Variants in MLLT3 observed in about 807,000 individuals in gnomAD.
MLLT3 encodes MLLT3 super elongation complex subunit, also known as protein AF-9.
A neutral mutation model predicts 53.2 loss-of-function variants in MLLT3; 4 were observed. The observed-to-expected ratio is 0.08, with a 90% CI of 0.04 to 0.17. The LOEUF (loss-of-function observed/expected upper bound fraction) is 0.17. Among genes scored for constraint, MLLT3 ranks in the 10% least tolerant of loss-of-function variants. MLLT3 has a pLI of 1.00. For missense variants in MLLT3, 569 were observed against 684.0 expected (o/e 0.83, Z 1.87); for synonymous variants, 283 against 230.6 (o/e 1.23, Z -2.06).
At chr9:20,391,691 T>C (rs908083759) in intron 5 of MLLT3, among the ~76,000 whole-genome samples, 5 of 152,212 alleles carry the variant, frequency 3.3e-5, no homozygotes, top group African/African-American at 1.2e-4. Context: ...GTTATTGCAT[T>C]TAATATTACT....
At chr9:20,599,458 T>TA (rs11354753) in intron 2 of MLLT3, among the ~76,000 whole-genome samples, 41,323 of 142,322 alleles carry the variant, frequency 0.29, 6,506 homozygotes, top group South Asian at 0.42. Context: ...ACCAGATGTT[T>TA]AAAAAAAAAA....
chr9:20,426,051 C>A (rs114782581), intron 4 of MLLT3, among the ~76,000 whole-genome samples: 1 of 151,870 alleles, frequency 6.6e-6, no homozygotes, highest in Non-Finnish European at 1.5e-5. Context: ...CTATGTTGTA[C>A]GTGCTATAAA....
At chr9:20,503,358 T>C (rs899835552) in intron 2 of MLLT3, among the ~76,000 whole-genome samples, 1 of 152,096 alleles carries the variant, frequency 6.6e-6, no homozygotes, top group African/African-American at 2.4e-5. Flanking sequence ...CACAGATCAA[T>C]GGAATGGAAT....
At chr9:20,356,899 G>A (rs1035154011) in intron 8 of MLLT3, among the ~76,000 whole-genome samples, 1 of 152,220 alleles carries the variant, frequency 6.6e-6, no homozygotes, top group Admixed American at 6.5e-5. Context: ...CCGGGTGTCA[G>A]TGACCCGCCT....
At chr9:20,501,719 C>G (rs1825234613) in intron 2 of MLLT3, among the ~76,000 whole-genome samples, 1 of 147,100 alleles carries the variant, frequency 6.8e-6, no homozygotes, top group African/African-American at 2.5e-5. Context: ...CCACTGCAGT[C>G]CGCAGTCCGG....
rs145226783 is a variant in MLLT3 at position 20,466,420 on chromosome 9, G to A, written c.194-9634C>T. Among the ~76,000 whole-genome samples the A allele has an allele frequency of 3.1e-3, 476 of 152,242 alleles. 1 individual carries two copies. The highest frequency in any genetic ancestry group is 0.011 in the African/African-American group (460 of 41,540). Reference sequence around the variant, plus strand: ...CAAAATCTGAAACCACTGTTCAAACGCATTTACATTATGAAGTTTTAGCTA... The same window carrying A: ...CAAAATCTGAAACCACTGTTCAAACACATTTACATTATGAAGTTTTAGCTA... On this transcript the variant is annotated intron_variant, in intron 2 of 10. Coordinates refer to ENST00000380338, the MANE Select transcript of MLLT3 (RefSeq NM_004529.4).
At position 20,448,019 on chromosome 9, in the gene MLLT3, A is replaced by G; in HGVS notation, c.420+104T>C. The G allele has an allele frequency of 1.5e-6, 2 of 1,323,852 alleles. No individual in the cohort carries two copies. The highest frequency in any genetic ancestry group is 2.1e-6 in the Non-Finnish European group (2 of 968,206). 82.0% of individuals were successfully genotyped at this position (1,323,852 alleles called of 1,614,324 possible). A position where few individuals can be genotyped will look rare whatever the true frequency, so the allele number is the denominator to read the frequency against. On this transcript the variant is annotated intron_variant, in intron 4 of 10. Transcript: ENST00000380338. This position sits in a 1 kb window ranked among gnomAD's most constrained non-coding sequence, Gnocchi z 4.0. ...GTACATCATTTCTTTTACCTCTCCCAAAACCTTATACTTTTTAACACATGA... is the reference window on the plus strand; with the variant it reads ...GTACATCATTTCTTTTACCTCTCCCGAAACCTTATACTTTTTAACACATGA...
chr9:20,419,698 C>CCA (rs1351659833), intron 4 of MLLT3, among the ~76,000 whole-genome samples: 2 of 152,014 alleles, frequency 1.3e-5, no homozygotes, highest in African/African-American at 4.8e-5. Context: ...CCCAAATATC[C>CCA]CACACACACA....
At chr9:20,514,917 T>C (rs953705434) in intron 2 of MLLT3, among the ~76,000 whole-genome samples, 2 of 151,642 alleles carry the variant, frequency 1.3e-5, no homozygotes, top group Non-Finnish European at 2.9e-5. Context: ...AGATTCTCAG[T>C]GTTTCTTACC....
intron 2 of MLLT3, among the ~76,000 whole-genome samples, chr9:20,541,597 C>T (rs967755916): frequency 1.3e-5 from 2 of 152,072 alleles, no homozygotes; most frequent in African/African-American, 4.8e-5. Context: ...TCATAAGGCC[C>T]GCATAGGGGA....
At chr9:20,526,592 T>C (rs1196595124) in intron 2 of MLLT3, among the ~76,000 whole-genome samples, 1 of 152,188 alleles carries the variant, frequency 6.6e-6, no homozygotes, top group Non-Finnish European at 1.5e-5. Context: ...CTACAATGAT[T>C]GACAGTTTTA....
intron 2 of MLLT3, among the ~76,000 whole-genome samples, chr9:20,557,773 T>G (rs926924411): frequency 6.6e-5 from 10 of 152,156 alleles, no homozygotes; most frequent in Non-Finnish European, 1.5e-4. Context: ...AGCGAGTAAT[T>G]CTACCCTGTT....
chr9:20,377,916 T>G (rs1821810515), intron 5 of MLLT3, among the ~76,000 whole-genome samples: 1 of 152,114 alleles, frequency 6.6e-6, no homozygotes, highest in South Asian at 2.1e-4. Context: ...CAAGGACTAC[T>G]GATAGTTGCA....
At chr9:20,377,825 T>G (rs1432002277) in intron 5 of MLLT3, among the ~76,000 whole-genome samples, 2 of 152,070 alleles carry the variant, frequency 1.3e-5, no homozygotes, top group Non-Finnish European at 2.9e-5. Context: ...CAAAATCCAC[T>G]GGGGAAAAAG....
At chr9:20,520,443 G>T (rs1325346151) in intron 2 of MLLT3, among the ~76,000 whole-genome samples, 1 of 151,998 alleles carries the variant, frequency 6.6e-6, no homozygotes, top group African/African-American at 2.4e-5. Context: ...CAATGAAAAA[G>T]CACTTATTTC....
At chr9:20,493,810 G>A (rs1357948738) in intron 2 of MLLT3, among the ~76,000 whole-genome samples, 1 of 151,976 alleles carries the variant, frequency 6.6e-6, no homozygotes, top group Non-Finnish European at 1.5e-5. Context: ...TCACATTATT[G>A]TCTTTCTGCA....
chr9:20,469,635 C>A (rs1824330979), intron 2 of MLLT3, among the ~76,000 whole-genome samples: 1 of 151,514 alleles, frequency 6.6e-6, no homozygotes, highest in Non-Finnish European at 1.5e-5. Flanking sequence ...ACAACTCAAA[C>A]CAAATGTTAC....
rs1820798906 is a variant in MLLT3, at chr9:20,343,757, C to T, written c.*2686G>A. 1.4e-5 allele frequency: 3 copies of T among 214,482 alleles called. No homozygotes were observed. In the South Asian group the frequency reaches 5.6e-4, roughly 40 times the overall value. The allele number at this position is 214,482 out of a possible 1,614,324, so 13.3% of individuals were successfully genotyped here. On this transcript the variant is annotated 3_prime_UTR_variant, in exon 11 of 11. Coordinates refer to ENST00000380338, the MANE Select transcript of MLLT3 (RefSeq NM_004529.4). Reference sequence around the variant, plus strand: ...GTACACCAAAGAAATTAAACCCTGCCATTTTCCCTTTGTGCTTAAGAAACC... The same window carrying T: ...GTACACCAAAGAAATTAAACCCTGCTATTTTCCCTTTGTGCTTAAGAAACC...
intron 2 of MLLT3, among the ~76,000 whole-genome samples, chr9:20,477,315 A>G (rs1366917529): frequency 6.6e-6 from 1 of 152,168 alleles, no homozygotes; most frequent in African/African-American, 2.4e-5. Context: ...AACACACTCT[A>G]CAAGTTGCTT....
Sources: allele counts gnomAD v4.1 joint callset (sites outside exome capture counted in the v4.1 genomes callset), GRCh38; gene constraint gnomAD v4.1.1; non-coding constraint Gnocchi (gnomAD v3.1); transcripts MANE v1.5; gene names NCBI Gene and HGNC (gene_info 2026-07-23, HGNC 2026-07-21).